The following DMGDH variants were observed in gnomAD, a reference collection of about 807,000 sequenced individuals.
DMGDH encodes the protein dimethylglycine dehydrogenase, also known as dimethylglycine dehydrogenase, mitochondrial.
In DMGDH, 76 loss-of-function variants were observed where a neutral mutation model predicts 95.2. That is an observed-to-expected ratio of 0.80 (90% CI 0.66 to 0.97). The LOEUF is 0.97. DMGDH is among the 50% of genes least tolerant of loss of function. The probability of loss-of-function intolerance (pLI) is 0.00; values close to 1 mark genes in which losing one functional copy is unlikely to be tolerated. For synonymous variants in DMGDH, 345 were observed against 377.6 expected, an observed-to-expected ratio of 0.91 and a Z score of 1.00; for missense variants, 987 against 1,055.0, an observed-to-expected ratio of 0.94 and a Z score of 0.89.
At chr5:79,000,008 T>C in intron 15 of DMGDH, 2 of 271,356 alleles carry the variant, frequency 7.4e-6, no homozygotes, top group East Asian at 8.2e-5. Flanking sequence ...AATGGAGGCA[T>C]AATATTTACG....
At chr5:79,042,608 TA>T in intron 6 of DMGDH, 127 bp from the exon 7 acceptor site, 1 of 845,580 alleles carries the variant, frequency 1.2e-6, no homozygotes, top group Non-Finnish European at 2.0e-6. Flanking sequence ...CATTTTTTGT[TA>T]AAGTCTAAAT....
At chr5:79,045,648 G>A (rs1754649943) in intron 5 of DMGDH, among the ~76,000 whole-genome samples, 1 of 152,010 alleles carries the variant, frequency 6.6e-6, no homozygotes, top group Admixed American at 6.5e-5. Context: ...ACCACCATTA[G>A]ATGATTTGGG....
chr5:79,024,523 G>T (rs968812964), intron 13 of DMGDH, among the ~76,000 whole-genome samples, 193 bp from the exon 14 acceptor site: 2 of 152,148 alleles, frequency 1.3e-5, no homozygotes, highest in African/African-American at 2.4e-5. Flanking sequence ...AGCAAAACTG[G>T]TCATTTGAAT....
Position 79,069,659 on chromosome 5 carries a change from G to T in DMGDH, c.-39C>A. The T allele has an allele frequency of 1.5e-6, 2 of 1,303,514 alleles. No individual in the cohort carries two copies. Among genetic ancestry groups the T allele is most frequent in the South Asian group, 2.4e-5 (1 of 40,918 alleles). The allele number at this position is 1,303,514 out of a possible 1,614,324, so 80.7% of individuals were successfully genotyped here. ...CCGAGGGCGCAGGCGCCTGCTCCGA[G>T]GCCAGCGGGCAGCCTGAGGCCGCGG... On this transcript the variant is annotated 5_prime_UTR_variant, in exon 1 of 16. Transcript: ENST00000255189.
chr5:79,001,326 C>T (rs1753449847), intron 15 of DMGDH, among the ~76,000 whole-genome samples: 1 of 152,122 alleles, frequency 6.6e-6, no homozygotes, highest in African/African-American at 2.4e-5. Flanking sequence ...CCATGCCTGG[C>T]CAATTTTTGT....
chr5:79,012,540 C>G (rs1383625212), intron 14 of DMGDH, among the ~76,000 whole-genome samples: 2 of 152,214 alleles, frequency 1.3e-5, no homozygotes, highest in Admixed American at 1.3e-4. Flanking sequence ...GCTCCAACCC[C>G]ACATTTCCCC....
At position 79,022,368 on chromosome 5, in the gene DMGDH, C is replaced by T. The variant is rs556759519; in HGVS notation, c.2250+1903G>A. 6.6e-5 allele frequency among the ~76,000 whole-genome samples: 10 copies of T among 152,238 alleles called. No individual in the cohort carries two copies. In the South Asian group the frequency reaches 2.1e-3, roughly 32 times the overall value. On this transcript the variant is annotated intron_variant, in intron 14 of 15. Transcript: ENST00000255189. ...AATGTTAATAAGGTTTCCAGGCATCCGTTTCACATTATAGACTGCTACAAA... is the reference window on the plus strand; with the variant it reads ...AATGTTAATAAGGTTTCCAGGCATCTGTTTCACATTATAGACTGCTACAAA...
chr5:79,063,173 G>A (rs1262773245), intron 2 of DMGDH, among the ~76,000 whole-genome samples: 1 of 152,044 alleles, frequency 6.6e-6, no homozygotes, highest in Non-Finnish European at 1.5e-5. Context: ...GGGAGTATAG[G>A]TAAAGATCTT....
intron 14 of DMGDH, among the ~76,000 whole-genome samples, chr5:79,008,230 C>T (rs1474794297): frequency 6.6e-6 from 1 of 152,120 alleles, no homozygotes; most frequent in East Asian, 1.9e-4. Flanking sequence ...AGAAAATGAC[C>T]CAGTTCCGCC....
At chr5:79,054,517 T>C (rs1754965054) in intron 3 of DMGDH, among the ~76,000 whole-genome samples, 169 bp from the exon 4 acceptor site, 1 of 152,222 alleles carries the variant, frequency 6.6e-6, no homozygotes, top group Non-Finnish European at 1.5e-5. Flanking sequence ...ATTCAGCAAC[T>C]ACCATATTTA....
At chr5:79,058,676 C>T (rs538131658) in intron 2 of DMGDH, among the ~76,000 whole-genome samples, 31 of 151,952 alleles carry the variant, frequency 2.0e-4, no homozygotes, top group African/African-American at 6.8e-4. Context: ...GAAGATGAAA[C>T]GGAGATATAA....
intron 14 of DMGDH, among the ~76,000 whole-genome samples, chr5:79,017,686 A>T (rs1164412971): frequency 6.6e-6 from 1 of 152,234 alleles, no homozygotes; most frequent in African/African-American, 2.4e-5. Flanking sequence ...CTATGTTCAT[A>T]CAAATACTTG....
At chr5:79,025,216 A>G (rs987619710) in intron 13 of DMGDH, among the ~76,000 whole-genome samples, 1 of 152,222 alleles carries the variant, frequency 6.6e-6, no homozygotes, top group African/African-American at 2.4e-5. Flanking sequence ...AAAGCTCTCC[A>G]GAGGAGGTCG....
intron 14 of DMGDH, among the ~76,000 whole-genome samples, chr5:79,006,850 C>CCCCCCCG (rs142991064): frequency 0.37 from 53,727 of 146,876 alleles, 10,370 homozygotes; most frequent in Admixed American, 0.44. Context: ...CTGAGACCCC[C>CCCCCCCG]CCAGTCCATT....
At chr5:79,043,329 A>T (rs1438161276) in intron 6 of DMGDH, among the ~76,000 whole-genome samples, 1 of 152,166 alleles carries the variant, frequency 6.6e-6, no homozygotes, top group Non-Finnish European at 1.5e-5. Context: ...AGCTGCCAGC[A>T]TGGGGGAACA....
intron 13 of DMGDH, among the ~76,000 whole-genome samples, chr5:79,024,975 A>G (rs1305151149): frequency 1.3e-5 from 2 of 152,244 alleles, no homozygotes; most frequent in Non-Finnish European, 2.9e-5. Flanking sequence ...CAAACTTTTA[A>G]AGCAACACAG....
intron 5 of DMGDH, 122 bp downstream of exon 5, chr5:79,051,165 A>C (rs1754841722): frequency 1.8e-6 from 2 of 1,108,992 alleles, no homozygotes; most frequent in Admixed American, 3.5e-5. Flanking sequence ...AACAGACAAA[A>C]TGTTTAACTT....
chr5:79,035,746 G>A (rs114045588), intron 7 of DMGDH, among the ~76,000 whole-genome samples: 10,413 of 151,672 alleles, frequency 0.069, 830 homozygotes, highest in African/African-American at 0.18. Flanking sequence ...GTGGGCGGGG[G>A]GGGAATCCTG....
chr5:79,043,654 T>C (rs1194849512), intron 6 of DMGDH, among the ~76,000 whole-genome samples: 1 of 152,322 alleles, frequency 6.6e-6, no homozygotes, highest in Non-Finnish European at 1.5e-5. Flanking sequence ...TTTTTATAGA[T>C]TAAAAGCTGA....
Sources: allele counts gnomAD v4.1 joint callset (sites outside exome capture counted in the v4.1 genomes callset), GRCh38; gene constraint gnomAD v4.1.1; transcripts MANE v1.5; gene names NCBI Gene and HGNC (gene_info 2026-07-23, HGNC 2026-07-21).